SPCS3: variants seen among roughly 807,000 people sequenced by gnomAD.
SPCS3 encodes SPase 22 kDa subunit.
SPCS3 carries 9 observed loss-of-function variants against 17.2 expected under a neutral mutation model. The observed-to-expected ratio is 0.52, with a 90% CI of 0.31 to 0.91. The LOEUF is 0.91. Ranked by LOEUF, SPCS3 falls within the 40% of genes least tolerant of loss-of-function variation. The pLI, the probability that SPCS3 is intolerant of heterozygous loss-of-function variation, is 0.04. For missense variants in SPCS3, 139 were observed against 217.5 expected, an observed-to-expected ratio of 0.64 and a Z score of 2.27; for synonymous variants, 87 against 89.6, an observed-to-expected ratio of 0.97 and a Z score of 0.16.
rs1731675349 is a variant in SPCS3 at position 176,330,745 on chromosome 4, C to T, written c.*2415C>T. 1 of 152,198 alleles carries T rather than the reference C, an allele frequency of 6.6e-6. No individual in the cohort carries two copies. The highest frequency in any genetic ancestry group is 2.1e-4 in the South Asian group (1 of 4,834). The allele number at this position is 152,198 out of a possible 1,614,324, so 9.4% of individuals were successfully genotyped here. On this transcript the variant is annotated 3_prime_UTR_variant, in exon 5 of 5. Coordinates refer to ENST00000503362, the MANE Select transcript of SPCS3 (RefSeq NM_021928.4). The stretch of plus-strand genomic sequence containing the variant: ...AATGTTCTACAAAGACACAAAGCTT[C>T]AGGCTTATACAAAACTGAGTATGAT...
In SPCS3 at chr4:176,329,758, A is replaced by G. The variant is rs549746717; in HGVS notation, c.*1428A>G. Reference sequence around the variant, plus strand: ...TAGCAACTGCAAATCAGTTACCCTTAGAAAAGCAAGACCAAACACTGTAGT... The same window carrying G: ...TAGCAACTGCAAATCAGTTACCCTTGGAAAAGCAAGACCAAACACTGTAGT... On this transcript the variant is annotated 3_prime_UTR_variant, in exon 5 of 5. Transcript: ENST00000503362. The G allele has an allele frequency of 2.0e-4, 30 of 152,266 alleles. 1 individual carries two copies. The highest frequency in any genetic ancestry group is 7.2e-4 in the African/African-American group (30 of 41,564). The allele number at this position is 152,266 out of a possible 1,614,324, so 9.4% of individuals were successfully genotyped here.
intron 2 of SPCS3, among the ~76,000 whole-genome samples, chr4:176,323,979 A>AT (rs1161256252): frequency 1.3e-5 from 2 of 151,892 alleles, no homozygotes; most frequent in East Asian, 1.9e-4. Flanking sequence ...TCATACTGAC[A>AT]TTTTTTTGTT....
chr4:176,329,731 A>T lies in SPCS3; in HGVS notation c.*1401A>T, dbSNP rs1304522461. The T allele has an allele frequency of 6.6e-6, 1 of 152,150 alleles. No individual in the cohort carries two copies. The highest frequency in any genetic ancestry group is 1.9e-4 in the East Asian group (1 of 5,202). 9.4% of individuals were successfully genotyped at this position (152,150 alleles called of 1,614,324 possible). A position where few individuals can be genotyped will look rare whatever the true frequency, so the allele number is the denominator to read the frequency against. On this transcript the variant is annotated 3_prime_UTR_variant, in exon 5 of 5. Coordinates refer to ENST00000503362, the MANE Select transcript of SPCS3 (RefSeq NM_021928.4). Reference sequence around the variant, plus strand: ...GCAGTGGACAAATAAACATCCTCAAAGTAGCAACTGCAAATCAGTTACCCT... The same window carrying T: ...GCAGTGGACAAATAAACATCCTCAATGTAGCAACTGCAAATCAGTTACCCT...
At chr4:176,325,432 C>A (rs1731593698) in intron 3 of SPCS3, among the ~76,000 whole-genome samples, 1 of 151,830 alleles carries the variant, frequency 6.6e-6, no homozygotes, top group South Asian at 2.1e-4. Flanking sequence ...CTTGAATCAA[C>A]AAAATTTGAG....
rs536084908 is a variant in SPCS3, at chr4:176,327,854, T to C, written c.411-344T>C. On this transcript the variant is annotated intron_variant, in intron 4 of 4. Coordinates refer to ENST00000503362, the MANE Select transcript of SPCS3 (RefSeq NM_021928.4). ...TGTTAAGGTTTGTCCATCTAGATAA[T>C]TGACAGAGTTAGGCTTCAAATCATT... 3.3e-5 allele frequency among the ~76,000 whole-genome samples: 5 copies of C among 152,354 alleles called. No homozygotes were observed. In the East Asian group the frequency reaches 9.6e-4, roughly 29 times the overall value.
At position 176,327,582 on chromosome 4, in the gene SPCS3, G is replaced by C. The variant is rs528938756; in HGVS notation, c.410+305G>C. On this transcript the variant is annotated intron_variant, in intron 4 of 4. Coordinates refer to ENST00000503362, the MANE Select transcript of SPCS3 (RefSeq NM_021928.4). ...TGGTCAAATCAAAGGGCTCCTTTCTGAGCGTGAGTCGGGAAACCTTAGAAG... is the reference window on the plus strand; with the variant it reads ...TGGTCAAATCAAAGGGCTCCTTTCTCAGCGTGAGTCGGGAAACCTTAGAAG... Among the ~76,000 whole-genome samples, 25 of 152,326 alleles carry C rather than the reference G, an allele frequency of 1.6e-4. No individual in the cohort carries two copies. The South Asian group carries it at 5.2e-3, about 32-fold the overall frequency.
chr4:176,327,063 C>A (rs902250650), intron 3 of SPCS3, 99 bp from the exon 4 acceptor site: 55 of 675,366 alleles, frequency 8.1e-5, no homozygotes, highest in Non-Finnish European at 1.1e-4. Flanking sequence ...AAGTTGAATT[C>A]ATTAACATGT....
Position 176,320,054 on chromosome 4 carries a change from C to T in SPCS3, c.-23C>T, listed in dbSNP as rs370305064. 12 of 1,527,984 alleles carry T rather than the reference C, an allele frequency of 7.9e-6. No individual in the cohort carries two copies. The highest frequency in any genetic ancestry group is 1.1e-5 in the Non-Finnish European group (12 of 1,132,998). 94.7% of individuals were successfully genotyped at this position (1,527,984 alleles called of 1,614,324 possible). A position where few individuals can be genotyped will look rare whatever the true frequency, so the allele number is the denominator to read the frequency against. Reference sequence around the variant, plus strand: ...GGAGCCTGGGTGTGCGTGTGGAGTCCGGACTCGTGGGAGACGATCGCGATG... The same window carrying T: ...GGAGCCTGGGTGTGCGTGTGGAGTCTGGACTCGTGGGAGACGATCGCGATG... On this transcript the variant is annotated 5_prime_UTR_variant, in exon 1 of 5. Coordinates refer to ENST00000503362, the MANE Select transcript of SPCS3 (RefSeq NM_021928.4).
At chr4:176,326,684 A>C (rs1464806401) in intron 3 of SPCS3, among the ~76,000 whole-genome samples, 2 of 152,222 alleles carry the variant, frequency 1.3e-5, no homozygotes, top group African/African-American at 4.8e-5. Context: ...TGACATAATT[A>C]ATCAGCAGTA....
intron 3 of SPCS3, among the ~76,000 whole-genome samples, chr4:176,324,837 C>G (rs952824381): frequency 6.6e-6 from 1 of 152,058 alleles, no homozygotes; most frequent in Admixed American, 6.5e-5. Flanking sequence ...TGGTGGAGCT[C>G]ATACTTGTAT....
At chr4:176,322,362 C>T in intron 2 of SPCS3, 119 bp downstream of exon 2, 1 of 633,148 alleles carries the variant, frequency 1.6e-6, no homozygotes, top group African/African-American at 1.9e-5. Flanking sequence ...CTTGGAAATT[C>T]CGCCTTTTTC....
chr4:176,320,016 C>A lies in SPCS3; in HGVS notation c.-61C>A, dbSNP rs555141046. On this transcript the variant is annotated 5_prime_UTR_variant, in exon 1 of 5. Coordinates refer to ENST00000503362, the MANE Select transcript of SPCS3 (RefSeq NM_021928.4). Reference sequence around the variant, plus strand: ...CGGCGCGGATCGCAGGGAGCCGGTCCGCCGCCGGAACGGGAGCCTGGGTGT... The same window carrying A: ...CGGCGCGGATCGCAGGGAGCCGGTCAGCCGCCGGAACGGGAGCCTGGGTGT... The A allele has an allele frequency of 2.1e-6, 3 of 1,434,052 alleles. No homozygotes were observed. Among genetic ancestry groups the A allele is most frequent in the Non-Finnish European group, 1.9e-6 (2 of 1,079,022 alleles). The allele number at this position is 1,434,052 out of a possible 1,614,324, so 88.8% of individuals were successfully genotyped here.
intron 3 of SPCS3, 72 bp from the exon 4 acceptor site, chr4:176,327,090 T>C (rs957775387): frequency 1.1e-6 from 1 of 900,522 alleles, no homozygotes; most frequent in African/African-American, 1.7e-5. Flanking sequence ...ATTTGCTTAC[T>C]AATACTTTTA....
chr4:176,323,332 C>G (rs35687562), intron 2 of SPCS3, among the ~76,000 whole-genome samples: 2 of 151,960 alleles, frequency 1.3e-5, no homozygotes, highest in Non-Finnish European at 2.9e-5. Context: ...TTATATATTA[C>G]CAATCTCATT....
At position 176,320,219 on chromosome 4, in the gene SPCS3, TGTGA is replaced by T. The variant is rs1054705287; in HGVS notation, c.143+6_143+9del. 1 of 1,562,004 alleles carries T rather than the reference TGTGA, an allele frequency of 6.4e-7. No homozygotes were observed. Among genetic ancestry groups the T allele is most frequent in the Non-Finnish European group, 8.7e-7 (1 of 1,155,158 alleles). ...CGGCTGCACGTCTCGCGGATCATGCTGTGAGTGAGGCCGGGCCGGCGGTGCAGGA... is the reference window on the plus strand; with the variant it reads ...CGGCTGCACGTCTCGCGGATCATGCTGTGAGGCCGGGCCGGCGGTGCAGGA... On this transcript the variant is annotated splice_donor_variant and splice_donor_region_variant and intron_variant, in intron 1 of 4. Transcript: ENST00000503362. LOFTEE classifies it high-confidence loss of function.
Position 176,328,365 on chromosome 4 carries a change from T to A in SPCS3, c.*35T>A, listed in dbSNP as rs1194489276. The stretch of plus-strand genomic sequence containing the variant: ...AATTTGAAACAACATATTTTTATAC[T>A]TAATGAATTGTATCTCATTAATCTC... On this transcript the variant is annotated 3_prime_UTR_variant, in exon 5 of 5. Coordinates refer to ENST00000503362, the MANE Select transcript of SPCS3 (RefSeq NM_021928.4). 6.6e-7 allele frequency: 1 copy of A among 1,516,506 alleles called. No homozygotes were observed. The highest frequency in any genetic ancestry group is 8.9e-7 in the Non-Finnish European group (1 of 1,121,742). 93.9% of individuals were successfully genotyped at this position (1,516,506 alleles called of 1,614,324 possible).
chr4:176,324,267 T>C lies in SPCS3; in HGVS notation c.294+10T>C. ...TTCAACAAAAAATAATGTAAGTATATCTAATTAGAAGTATTTTAATAGCTA... is the reference window on the plus strand; with the variant it reads ...TTCAACAAAAAATAATGTAAGTATACCTAATTAGAAGTATTTTAATAGCTA... On this transcript the variant is annotated intron_variant, in intron 3 of 4. Coordinates refer to ENST00000503362, the MANE Select transcript of SPCS3 (RefSeq NM_021928.4). The C allele has an allele frequency of 9.2e-7, 1 of 1,085,496 alleles. No individual in the cohort carries two copies. The highest frequency in any genetic ancestry group is 1.6e-5 in the South Asian group (1 of 62,146). The allele number at this position is 1,085,496 out of a possible 1,614,324, so 67.2% of individuals were successfully genotyped here.
chr4:176,326,636 G>A (rs1731611282), intron 3 of SPCS3, among the ~76,000 whole-genome samples: 1 of 152,158 alleles, frequency 6.6e-6, no homozygotes, highest in South Asian at 2.1e-4. Context: ...TAAAGCTTTT[G>A]TAAAGAAATC....
At position 176,322,195 on chromosome 4, in the gene SPCS3, C is replaced by T; in HGVS notation, c.169C>T (p.Pro57Ser). 1 of 1,606,352 alleles carries T rather than the reference C, an allele frequency of 6.2e-7. No homozygotes were observed. Among genetic ancestry groups the T allele is most frequent in the Non-Finnish European group, 8.5e-7 (1 of 1,173,638 alleles). The stretch of plus-strand genomic sequence containing the variant: ...AAAAAATGTAGAAGATTTCACTGGA[C>T]CTAGAGAAAGAAGTGATCTGGGATT... Reference protein sequence around the residue: ...MLKNVEDFTGPRERSDLGFIT... With the variant: ...MLKNVEDFTGSRERSDLGFIT... The change falls in exon 2 of 5, where the codon CCT (proline) becomes TCT (serine). Residue 57 changes from proline (P) to serine (S), a missense_variant. Coordinates refer to ENST00000503362, the MANE Select transcript of SPCS3 (RefSeq NM_021928.4).
Sources: allele counts gnomAD v4.1 joint callset (sites outside exome capture counted in the v4.1 genomes callset), GRCh38; gene constraint gnomAD v4.1.1; transcripts MANE v1.5; gene names NCBI Gene and HGNC (gene_info 2026-07-23, HGNC 2026-07-21).